Variants in TMX2 observed in about 807,000 individuals in gnomAD.
TMX2 encodes thioredoxin related transmembrane protein 2, also known as thioredoxin-related transmembrane protein 2.
A neutral mutation model predicts 33.4 loss-of-function variants in TMX2; 20 were observed. The ratio of observed to expected loss-of-function variants is 0.60; its 90% CI spans 0.42 to 0.87. The LOEUF (loss-of-function observed/expected upper bound fraction) is 0.87. Among genes scored for constraint, TMX2 ranks in the 40% least tolerant of loss-of-function variants. TMX2 has a pLI of 0.00. For missense variants in TMX2, 340 were observed against 370.7 expected (o/e 0.92, Z 0.68); for synonymous variants, 166 against 140.7 (o/e 1.18, Z -1.27).
chr11:57,736,907 T>C (rs1948786452), intron 1 of TMX2, among the ~76,000 whole-genome samples: 1 of 145,410 alleles, frequency 6.9e-6, no homozygotes. Flanking sequence ...AAATTAAACA[T>C]GTGGAATAGC....
chr11:57,713,135 C>T (rs566335516), intron 1 of TMX2, among the ~76,000 whole-genome samples: 1 of 152,092 alleles, frequency 6.6e-6, no homozygotes, highest in East Asian at 1.9e-4. Context: ...TTTACAGTGC[C>T]GCTCATTATG....
chr11:57,713,415 G>C (rs1415992662), intron 1 of TMX2, among the ~76,000 whole-genome samples: 1 of 152,168 alleles, frequency 6.6e-6, no homozygotes, highest in Non-Finnish European at 1.5e-5. Flanking sequence ...GGGGGCTACT[G>C]TAAAGGAATT....
intron 2 of TMX2, 50 bp downstream of exon 2, chr11:57,737,718 G>T (rs1948838588): frequency 6.3e-7 from 1 of 1,583,828 alleles, no homozygotes; most frequent in East Asian, 2.2e-5. Flanking sequence ...ATGCCCTTTG[G>T]AGGTGCTTTG....
chr11:57,717,583 A>G (rs912552107), intron 1 of TMX2, among the ~76,000 whole-genome samples: 2 of 152,176 alleles, frequency 1.3e-5, no homozygotes, highest in South Asian at 2.1e-4. Flanking sequence ...CTTGCCTGCA[A>G]TCGCAGGCAC....
At chr11:57,732,618 A>G (rs1039637298) in intron 1 of TMX2, among the ~76,000 whole-genome samples, 7 of 152,196 alleles carry the variant, frequency 4.6e-5, no homozygotes, top group Admixed American at 6.6e-5. Flanking sequence ...AAAAATGCTT[A>G]GGGTTAATAG....
chr11:57,723,317 T>C (rs2135521632), intron 1 of TMX2, among the ~76,000 whole-genome samples: 1 of 146,004 alleles, frequency 6.8e-6, no homozygotes, highest in Admixed American at 6.9e-5. Context: ...CCATCTCTAC[T>C]AACAATACAA....
intron 1 of TMX2, among the ~76,000 whole-genome samples, chr11:57,729,323 G>GC (rs1948205086): frequency 6.7e-6 from 1 of 150,264 alleles, no homozygotes; most frequent in Non-Finnish European, 1.5e-5. Flanking sequence ...TCTAGGTTCT[G>GC]TTTTTTTTTC....
chr11:57,716,550 C>T (rs1590903055), intron 1 of TMX2, among the ~76,000 whole-genome samples: 2 of 128,606 alleles, frequency 1.6e-5, no homozygotes, highest in Admixed American at 1.5e-4. Context: ...CCGGACGGGG[C>T]GGCTGGCCGG....
chr11:57,739,324 C>T (rs1948941649), intron 7 of TMX2, 64 bp downstream of exon 7: 1 of 1,582,520 alleles, frequency 6.3e-7, no homozygotes, highest in East Asian at 2.2e-5. Flanking sequence ...TCAAGCCCTA[C>T]CCGGGTTTGA....
intron 1 of TMX2, among the ~76,000 whole-genome samples, chr11:57,713,159 G>A (rs1052148523): frequency 6.6e-6 from 1 of 152,130 alleles, no homozygotes; most frequent in South Asian, 2.1e-4. Context: ...AGCCTCCTGA[G>A]GAGCCAGTAA....
chr11:57,721,450 G>A (rs577314161), intron 1 of TMX2, among the ~76,000 whole-genome samples: 5 of 150,654 alleles, frequency 3.3e-5, no homozygotes, highest in South Asian at 4.2e-4. Context: ...CTGAGTAGCT[G>A]GGATTACAGG....
intron 1 of TMX2, among the ~76,000 whole-genome samples, chr11:57,736,662 C>T (rs1350158133): frequency 6.6e-6 from 1 of 151,848 alleles, no homozygotes; most frequent in Non-Finnish European, 1.5e-5. Flanking sequence ...CCGAGGCGGG[C>T]GGATCATCTG....
At chr11:57,718,173 C>T in intron 1 of TMX2, 2 of 1,254,508 alleles carry the variant, frequency 1.6e-6, no homozygotes, top group Admixed American at 1.7e-5. Flanking sequence ...GCCATCCAAC[C>T]ACTCACTCTT....
At chr11:57,740,057 C>T in intron 7 of TMX2, 42 bp from the exon 8 acceptor site, 1 of 1,612,960 alleles carries the variant, frequency 6.2e-7, no homozygotes, top group South Asian at 1.1e-5. Flanking sequence ...CTTTACTCTC[C>T]CTTCCAACCC....
intron 1 of TMX2, among the ~76,000 whole-genome samples, chr11:57,719,028 TA>T (rs1565215591): frequency 1.1e-4 from 11 of 100,178 alleles, no homozygotes; most frequent in African/African-American, 3.8e-4. Context: ...GCCATATATA[TA>T]TATATTTTTT....
chr11:57,730,161 C>G (rs562827414), intron 1 of TMX2, among the ~76,000 whole-genome samples: 1 of 150,610 alleles, frequency 6.6e-6, no homozygotes, highest in South Asian at 2.1e-4. Flanking sequence ...CATGGTGCCT[C>G]ACGCCTGTAA....
At chr11:57,733,997 C>T (rs768610252) in intron 1 of TMX2, among the ~76,000 whole-genome samples, 1 of 151,724 alleles carries the variant, frequency 6.6e-6, no homozygotes, top group Admixed American at 6.6e-5. Flanking sequence ...AATAGAAACC[C>T]GGTCTCTACT....
chr11:57,737,559 T>C, intron 1 of TMX2, 49 bp from the exon 2 acceptor site: 1 of 1,518,602 alleles, frequency 6.6e-7, no homozygotes, highest in Non-Finnish European at 9.1e-7. Context: ...CCCACCTAAG[T>C]TAGCTCTAGT....
chr11:57,735,065 G>A (rs1347936222), intron 1 of TMX2, among the ~76,000 whole-genome samples: 1 of 151,818 alleles, frequency 6.6e-6, no homozygotes, highest in East Asian at 2.0e-4. Context: ...GGGAGGCGGA[G>A]GTTGCAATGA....
Sources: allele counts gnomAD v4.1 joint callset (sites outside exome capture counted in the v4.1 genomes callset), GRCh38; gene constraint gnomAD v4.1.1; transcripts MANE v1.5; gene names NCBI Gene and HGNC (gene_info 2026-07-23, HGNC 2026-07-21).